The following IPO11 variants were observed in gnomAD, a reference collection of about 807,000 sequenced individuals.
The protein encoded by IPO11 is importin-11.
Under a neutral mutation model 143.2 loss-of-function variants are expected in IPO11, and 66 were observed. The ratio of observed to expected loss-of-function variants is 0.46; its 90% CI spans 0.38 to 0.57. The LOEUF is 0.57. IPO11 is among the 20% of genes least tolerant of loss of function. The pLI is 0.00. For missense variants in IPO11, 1,026 were observed against 1,141.0 expected (o/e 0.90, Z 1.45); for synonymous variants, 385 against 377.8 (o/e 1.02, Z -0.22).
chr5:62,487,702 T>C, intron 12 of IPO11, 69 bp from the exon 13 acceptor site: 1 of 1,317,224 alleles, frequency 7.6e-7, no homozygotes, highest in East Asian at 2.8e-5. Flanking sequence ...AAGTATTTGC[T>C]TTATTAAAGA....
chr5:62,452,038 C>A, intron 5 of IPO11, 105 bp downstream of exon 5: 1 of 861,396 alleles, frequency 1.2e-6, no homozygotes. Context: ...GCGGGTGGAT[C>A]ACGAGGTCAG....
At chr5:62,514,101 T>G (rs2112282296) in intron 19 of IPO11, among the ~76,000 whole-genome samples, 1 of 145,274 alleles carries the variant, frequency 6.9e-6, no homozygotes, top group African/African-American at 2.6e-5. Context: ...GCTCCTCACT[T>G]TCCAGACTGG....
chr5:62,610,246 G>T (rs1745878877), intron 29 of IPO11, among the ~76,000 whole-genome samples: 1 of 152,106 alleles, frequency 6.6e-6, no homozygotes, highest in Non-Finnish European at 1.5e-5. Context: ...CTTGCCATCT[G>T]ATTATTTCTT....
intron 9 of IPO11, 61 bp from the exon 10 acceptor site, chr5:62,483,040 A>G: frequency 9.6e-7 from 1 of 1,040,628 alleles, no homozygotes; most frequent in Admixed American, 2.3e-5. Context: ...TGGAGTGATT[A>G]TATTCCAATA....
chr5:62,541,719 T>A (rs1030089913), intron 24 of IPO11, among the ~76,000 whole-genome samples: 1 of 151,820 alleles, frequency 6.6e-6, no homozygotes, highest in Non-Finnish European at 1.5e-5. Flanking sequence ...TTTTATTTTA[T>A]TTTTTTTGGC....
chr5:62,455,286 G>A (rs546165635), intron 5 of IPO11, among the ~76,000 whole-genome samples: 6 of 152,262 alleles, frequency 3.9e-5, no homozygotes, highest in East Asian at 1.9e-4. Flanking sequence ...CTGGGAGGCC[G>A]TGGTGGGCAG....
intron 19 of IPO11, among the ~76,000 whole-genome samples, chr5:62,513,682 G>A (rs1231834678): frequency 2.6e-4 from 38 of 146,792 alleles, no homozygotes; most frequent in East Asian, 1.4e-3. Context: ...TTGGCCGGGC[G>A]GGGGGCTGAG....
At chr5:62,586,762 AAAAAAAATATATATATAT>A (rs1158542816) in intron 27 of IPO11, among the ~76,000 whole-genome samples, 6 of 86,496 alleles carry the variant, frequency 6.9e-5, no homozygotes, top group Non-Finnish European at 9.2e-5. Context: ...CAAAAAAAAA[AAAAAAAATATATATATAT>A]ATATATATAT....
At chr5:62,461,017 T>A (rs1290547400) in intron 5 of IPO11, among the ~76,000 whole-genome samples, 1 of 152,172 alleles carries the variant, frequency 6.6e-6, no homozygotes, top group Non-Finnish European at 1.5e-5. Flanking sequence ...TTCTTCTTTC[T>A]TTATCTCTCT....
intron 20 of IPO11, among the ~76,000 whole-genome samples, chr5:62,521,155 A>G (rs78385515): frequency 3.3e-5 from 5 of 152,288 alleles, no homozygotes; most frequent in East Asian, 1.9e-4. Flanking sequence ...TTCACTGCCT[A>G]TCCTTTCTGT....
At chr5:62,436,769 G>A (rs762604809) in intron 1 of IPO11, among the ~76,000 whole-genome samples, 31 of 152,174 alleles carry the variant, frequency 2.0e-4, no homozygotes, top group Non-Finnish European at 4.0e-4. Context: ...TTGGTGGCAC[G>A]TAAGATGATG....
In IPO11 at chr5:62,428,330, A is replaced by G. The variant is rs545367757; in HGVS notation, c.-6-8944A>G. On this transcript the variant is annotated intron_variant, in intron 1 of 29. Coordinates refer to ENST00000325324, the MANE Select transcript of IPO11 (RefSeq NM_016338.5). ...AGGTGTGAGCCACCATGCCTGGCCT[A>G]TATAAGTCACATTTTATTTATTTAT... Among the ~76,000 whole-genome samples the G allele has an allele frequency of 2.0e-5, 3 of 151,766 alleles. No homozygotes were observed. The South Asian group carries it at 6.3e-4, about 32-fold the overall frequency.
intron 24 of IPO11, among the ~76,000 whole-genome samples, chr5:62,544,368 A>G (rs952919972): frequency 1.3e-5 from 2 of 152,316 alleles, no homozygotes; most frequent in Admixed American, 6.5e-5. Flanking sequence ...GATTATCTCA[A>G]TAGATGCAGA....
At chr5:62,484,239 A>G in intron 11 of IPO11, 77 bp downstream of exon 11, 1 of 1,223,520 alleles carries the variant, frequency 8.2e-7, no homozygotes, top group Non-Finnish European at 1.1e-6. Context: ...TAGGTATAAT[A>G]TTGTATTTTC....
intron 1 of IPO11, among the ~76,000 whole-genome samples, chr5:62,433,255 A>G (rs1420345022): frequency 6.6e-6 from 1 of 152,212 alleles, no homozygotes; most frequent in South Asian, 2.1e-4. Context: ...AAACACAGAT[A>G]ATACAAATAT....
At chr5:62,457,479 CATAATA>C (rs912315164) in intron 5 of IPO11, among the ~76,000 whole-genome samples, 5 of 152,162 alleles carry the variant, frequency 3.3e-5, no homozygotes, top group East Asian at 1.9e-4. Context: ...GTGTCTAAAA[CATAATA>C]ATAATAGTGT....
chr5:62,506,386 A>T, intron 19 of IPO11, 29 bp downstream of exon 19: 121 of 1,028,432 alleles, frequency 1.2e-4, no homozygotes, highest in Non-Finnish European at 1.8e-4. Flanking sequence ...ATGAAAATAA[A>T]TGAGGGGTGG....
intron 2 of IPO11, among the ~76,000 whole-genome samples, chr5:62,442,657 G>T (rs1744532009): frequency 6.6e-6 from 1 of 151,950 alleles, no homozygotes; most frequent in African/African-American, 2.4e-5. Flanking sequence ...TCAAGAGGTC[G>T]AGACCAGCCT....
intron 24 of IPO11, among the ~76,000 whole-genome samples, chr5:62,545,199 T>C (rs1199665089): frequency 3.9e-5 from 6 of 152,136 alleles, no homozygotes. Context: ...CTTCAAACTA[T>C]ACTACAAGGC....
Sources: gnomAD v4.1 joint callset for allele counts (sites outside exome capture counted in the v4.1 genomes callset) on GRCh38, gnomAD v4.1.1 for gene constraint, MANE v1.5 for transcripts, NCBI Gene and HGNC (gene_info 2026-07-23, HGNC 2026-07-21) for gene names.